The following CUBN variants were observed in gnomAD, a reference collection of about 807,000 sequenced individuals.
CUBN encodes the protein 460 kDa receptor.
In CUBN, 282 loss-of-function variants were observed where a neutral mutation model predicts 405.3. The observed-to-expected ratio is 0.70, with a 90% CI of 0.63 to 0.77. The LOEUF (loss-of-function observed/expected upper bound fraction) is 0.77. CUBN is among the 30% of genes least tolerant of loss of function. CUBN has a pLI of 0.00. For synonymous variants in CUBN, 1,684 were observed against 1,617.0 expected (o/e 1.04, Z -0.99); for missense variants, 4,514 against 4,475.2 (o/e 1.01, Z -0.25).
intron 28 of CUBN, among the ~76,000 whole-genome samples, chr10:17,012,708 A>G (rs1429537912): frequency 6.6e-6 from 1 of 152,272 alleles, no homozygotes; most frequent in Non-Finnish European, 1.5e-5. Context: ...GAATTGGTAT[A>G]GATGGCTCCT....
At chr10:16,849,957 T>C (rs766738390) in intron 60 of CUBN, among the ~76,000 whole-genome samples, 64 of 152,248 alleles carry the variant, frequency 4.2e-4, no homozygotes, top group Admixed American at 3.7e-3. Context: ...GGTATTTCTC[T>C]ATGTAGGCCA....
At chr10:16,950,571 G>A (rs61844360) in intron 33 of CUBN, among the ~76,000 whole-genome samples, 21,940 of 152,148 alleles carry the variant, frequency 0.14, 1,809 homozygotes, top group Non-Finnish European at 0.19. Flanking sequence ...TGAATGAGGC[G>A]GATTTGCACA....
At chr10:17,012,917 C>A (rs1442986137) in intron 28 of CUBN, among the ~76,000 whole-genome samples, 6 of 152,120 alleles carry the variant, frequency 3.9e-5, no homozygotes, top group Admixed American at 3.9e-4. Flanking sequence ...CTGGTGGGAC[C>A]TTTGTATGGT....
chr10:17,011,597 G>A (rs1267305437), intron 28 of CUBN, among the ~76,000 whole-genome samples: 1 of 152,152 alleles, frequency 6.6e-6, no homozygotes, highest in Non-Finnish European at 1.5e-5. Context: ...GGGGACCCGA[G>A]CAGGTTGCCG....
At chr10:16,884,387 T>C (rs1840751658) in intron 56 of CUBN, among the ~76,000 whole-genome samples, 1 of 91,584 alleles carries the variant, frequency 1.1e-5, no homozygotes, top group Admixed American at 9.5e-5. Flanking sequence ...ACTGGATCTA[T>C]AATTTTTTTT....
At chr10:17,122,687 C>A in intron 6 of CUBN, 108 bp downstream of exon 6, 1 of 731,588 alleles carries the variant, frequency 1.4e-6, no homozygotes, top group Non-Finnish European at 2.4e-6. Flanking sequence ...CATGGAGTAC[C>A]AACTTTTGGT....
intron 4 of CUBN, among the ~76,000 whole-genome samples, chr10:17,126,239 A>T (rs975272181): frequency 6.6e-6 from 1 of 152,268 alleles, no homozygotes; most frequent in African/African-American, 2.4e-5. Context: ...AAGGGGTAAG[A>T]AGCCTAAGTT....
At position 17,110,653 on chromosome 10, in the gene CUBN, G is replaced by A. The variant is rs189519057; in HGVS notation, c.1015+266C>T. 4.3e-3 allele frequency among the ~76,000 whole-genome samples: 660 copies of A among 152,034 alleles called. 2 individuals carry two copies. Among genetic ancestry groups the A allele is most frequent in the Non-Finnish European group, 7.8e-3 (532 of 67,982 alleles). Reference sequence around the variant, plus strand: ...AGCGATTCTCGTGCCTCAGCCTCCCGAGTAGCTAGGATTACAAGCATGCAC... The same window carrying A: ...AGCGATTCTCGTGCCTCAGCCTCCCAAGTAGCTAGGATTACAAGCATGCAC... On this transcript the variant is annotated intron_variant, in intron 9 of 66. Transcript: ENST00000377833.
At chr10:16,987,089 A>G (rs1833448058) in intron 29 of CUBN, among the ~76,000 whole-genome samples, 1 of 152,186 alleles carries the variant, frequency 6.6e-6, no homozygotes, top group Non-Finnish European at 1.5e-5. Flanking sequence ...ACACCAAGCA[A>G]TTGTCCTGGT....
intron 35 of CUBN, 26 bp from the exon 36 acceptor site, chr10:16,947,393 G>A (rs200612879): frequency 2.5e-6 from 4 of 1,613,458 alleles, no homozygotes; most frequent in Non-Finnish European, 3.4e-6. Flanking sequence ...AATAAAGTGA[G>A]TATCAGAGCA....
At chr10:17,055,712 G>A (rs929718399) in intron 22 of CUBN, among the ~76,000 whole-genome samples, 2 of 152,016 alleles carry the variant, frequency 1.3e-5, no homozygotes, top group African/African-American at 4.8e-5. Context: ...TTGATAACAA[G>A]TTTAATAGAA....
Position 17,098,253 on chromosome 10 carries a change from G to A in CUBN, c.1765+1752C>T, listed in dbSNP as rs769830669. Among the ~76,000 whole-genome samples, 35 of 152,144 alleles carry A rather than the reference G, an allele frequency of 2.3e-4. 1 individual carries two copies. The highest frequency in any genetic ancestry group is 2.3e-3 in the Admixed American group (35 of 15,268). On this transcript the variant is annotated intron_variant, in intron 14 of 66. Transcript: ENST00000377833. ...CCTTTAGACAGCTACAGTCCCAGCT[G>A]ACACCCGCTTATAACTGCTGAATAG...
intron 37 of CUBN, 110 bp from the exon 38 acceptor site, chr10:16,939,257 G>A: frequency 2.3e-6 from 2 of 872,514 alleles, no homozygotes; most frequent in East Asian, 2.6e-5. Flanking sequence ...TTAATTGACT[G>A]TGATTTCTTT....
chr10:17,104,520 T>A lies in CUBN; in HGVS notation c.1316A>T (p.Asn439Ile). ...ACAAGTTCCTCCATTCAAACAGGGG[T>A]TGCTCAAACACTCATTGATGTTTTC... Reference protein sequence around the residue: ...CTENINECLSNPCLNGGTCVD... With the variant: ...CTENINECLSIPCLNGGTCVD... Residue 439 changes from asparagine to isoleucine, a missense_variant, in exon 12 of 67, where the codon AAC becomes ATC. Transcript: ENST00000377833. The A allele has an allele frequency of 6.2e-7, 1 of 1,613,796 alleles. No homozygotes were observed.
At chr10:17,017,246 A>G (rs1207039204) in intron 28 of CUBN, among the ~76,000 whole-genome samples, 3 of 152,168 alleles carry the variant, frequency 2.0e-5, no homozygotes, top group Non-Finnish European at 4.4e-5. Context: ...GCAGCAGCAG[A>G]AACACTAGTT....
At chr10:16,832,777 A>T (rs1306618447) in intron 64 of CUBN, among the ~76,000 whole-genome samples, 1 of 152,142 alleles carries the variant, frequency 6.6e-6, no homozygotes, top group African/African-American at 2.4e-5. Context: ...ACAGATTCCA[A>T]GCATGGTCTA....
At chr10:16,853,427 C>T (rs1839775927) in intron 59 of CUBN, among the ~76,000 whole-genome samples, 1 of 152,146 alleles carries the variant, frequency 6.6e-6, no homozygotes, top group South Asian at 2.1e-4. Context: ...AGATTTTGTA[C>T]TTGGACCTTG....
At chr10:17,013,967 G>A (rs1564478699) in intron 28 of CUBN, among the ~76,000 whole-genome samples, 1 of 152,172 alleles carries the variant, frequency 6.6e-6, no homozygotes, top group Non-Finnish European at 1.5e-5. Flanking sequence ...ATGCTCAATT[G>A]GTTCCCCATC....
At chr10:17,118,476 T>A (rs185726220) in intron 6 of CUBN, among the ~76,000 whole-genome samples, 1 of 152,206 alleles carries the variant, frequency 6.6e-6, no homozygotes. Flanking sequence ...CAGGGTCTTG[T>A]GCCCAGGCGG....
Sources: allele counts gnomAD v4.1 joint callset (sites outside exome capture counted in the v4.1 genomes callset), GRCh38; gene constraint gnomAD v4.1.1; transcripts MANE v1.5; gene names NCBI Gene and HGNC (gene_info 2026-07-23, HGNC 2026-07-21).